Variants in CSGALNACT1 observed in about 807,000 individuals in gnomAD.
The protein encoded by CSGALNACT1 is chondroitin sulfate N-acetylgalactosaminyltransferase 1.
A neutral mutation model predicts 51.0 loss-of-function variants in CSGALNACT1; 52 were observed. The ratio of observed to expected loss-of-function variants is 1.02; its 90% CI spans 0.82 to 1.29. The LOEUF (loss-of-function observed/expected upper bound fraction) is 1.29, where lower values mean the gene tolerates loss of function less well. Ranked by LOEUF, CSGALNACT1 falls within the 50% of genes most tolerant of loss-of-function variation. The pLI, the probability that CSGALNACT1 is intolerant of heterozygous loss-of-function variation, is 0.00. For missense variants in CSGALNACT1, 935 were observed against 679.2 expected (o/e 1.38, Z -4.19); for synonymous variants, 341 against 254.4 (o/e 1.34, Z -3.24).
intron 1 of CSGALNACT1, among the ~76,000 whole-genome samples, chr8:19,614,260 C>A (rs1471704340): frequency 6.6e-6 from 1 of 152,126 alleles, no homozygotes; most frequent in Non-Finnish European, 1.5e-5. Flanking sequence ...ACTAAAAAAT[C>A]AAAAACTGAG....
chr8:19,648,964 G>A (rs1461789914), intron 1 of CSGALNACT1, among the ~76,000 whole-genome samples: 1 of 152,118 alleles, frequency 6.6e-6, no homozygotes, highest in African/African-American at 2.4e-5. Context: ...TCTCATATGG[G>A]TAGGTGTAAA....
chr8:19,461,357 C>G (rs78879285), intron 4 of CSGALNACT1, among the ~76,000 whole-genome samples: 3,226 of 152,308 alleles, frequency 0.021, 99 homozygotes, highest in African/African-American at 0.073. Context: ...ACCACCAACT[C>G]CCAGGGCCCA....
intron 1 of CSGALNACT1, among the ~76,000 whole-genome samples, chr8:19,614,133 G>T (rs868858684): frequency 4.6e-5 from 7 of 152,064 alleles, no homozygotes; most frequent in Non-Finnish European, 1.0e-4. Flanking sequence ...TACTCTTAAT[G>T]CCCCCTTTTA....
intron 1 of CSGALNACT1, among the ~76,000 whole-genome samples, chr8:19,642,842 C>CA (rs1180961181): frequency 6.8e-6 from 1 of 148,106 alleles, no homozygotes; most frequent in African/African-American, 2.5e-5. Context: ...TCAACAACAA[C>CA]AAAAAAATTG....
At chr8:19,534,512 G>A (rs1266230867) in intron 3 of CSGALNACT1, among the ~76,000 whole-genome samples, 1 of 151,988 alleles carries the variant, frequency 6.6e-6, no homozygotes, top group Non-Finnish European at 1.5e-5. Context: ...CTGGGGAATC[G>A]GACACCCATC....
At chr8:19,526,299 T>C (rs150602677) in intron 3 of CSGALNACT1, among the ~76,000 whole-genome samples, 26 of 152,276 alleles carry the variant, frequency 1.7e-4, no homozygotes, top group African/African-American at 4.8e-4. Context: ...GATTTATAGA[T>C]AAAGGCCAGG....
chr8:19,578,058 A>T (rs1160384990), intron 3 of CSGALNACT1, among the ~76,000 whole-genome samples: 1 of 152,192 alleles, frequency 6.6e-6, no homozygotes, highest in East Asian at 1.9e-4. Flanking sequence ...CACTCAGCAG[A>T]TGGGCTGGAA....
rs569836140 is a variant in CSGALNACT1, at chr8:19,499,067, A to G, written c.634+6134T>C. On this transcript the variant is annotated intron_variant, in intron 4 of 9. Transcript: ENST00000454498. Reference sequence around the variant, plus strand: ...GAAGTTGAGGCTACAATGAGCCATGATCGTGCCACTGCACTCCAGCCTGAG... The same window carrying G: ...GAAGTTGAGGCTACAATGAGCCATGGTCGTGCCACTGCACTCCAGCCTGAG... 2.2e-3 allele frequency among the ~76,000 whole-genome samples: 335 copies of G among 152,336 alleles called. 4 individuals carry two copies. The highest frequency in any genetic ancestry group is 7.7e-3 in the African/African-American group (322 of 41,576).
At chr8:19,601,852 A>C in exon 2 of CSGALNACT1, 1 of 454,088 alleles carries the variant, frequency 2.2e-6, no homozygotes, top group Non-Finnish European at 4.4e-6. Context: ...TCTTTCCTTG[A>C]AATAGGAAGG....
chr8:19,667,556 G>C (rs1223456374), intron 1 of CSGALNACT1, among the ~76,000 whole-genome samples: 1 of 152,180 alleles, frequency 6.6e-6, no homozygotes, highest in African/African-American at 2.4e-5. Flanking sequence ...AGTCAGTCGT[G>C]TTCCACCCCC....
chr8:19,469,501 G>C (rs1025667169), intron 4 of CSGALNACT1, among the ~76,000 whole-genome samples: 4 of 152,206 alleles, frequency 2.6e-5, no homozygotes, highest in Non-Finnish European at 5.9e-5. Flanking sequence ...AAGACAGCCT[G>C]GGATAGATTT....
chr8:19,460,227 C>T (rs879283796), intron 4 of CSGALNACT1, among the ~76,000 whole-genome samples: 5 of 152,088 alleles, frequency 3.3e-5, no homozygotes, highest in East Asian at 1.9e-4. Context: ...AAGTACAATA[C>T]CTTTTGAGAG....
chr8:19,656,362 G>A (rs1027987794), intron 1 of CSGALNACT1, among the ~76,000 whole-genome samples: 13 of 152,082 alleles, frequency 8.5e-5, no homozygotes, highest in African/African-American at 3.1e-4. Context: ...ATTTTTATAT[G>A]GCCTGAAAAA....
At chr8:19,754,497 T>C (rs1358681236) in intron 1 of CSGALNACT1, among the ~76,000 whole-genome samples, 1 of 152,196 alleles carries the variant, frequency 6.6e-6, no homozygotes, top group Non-Finnish European at 1.5e-5. Context: ...AATACCTAGA[T>C]GAAAACCATA....
chr8:19,662,079 C>CACCG (rs2058803324), intron 1 of CSGALNACT1, among the ~76,000 whole-genome samples: 2 of 71,304 alleles, frequency 2.8e-5, no homozygotes, highest in African/African-American at 1.1e-4. Context: ...CCCCCACCCC[C>CACCG]CCCCCCCCCC....
At chr8:19,494,829 G>T (rs759689991) in intron 4 of CSGALNACT1, among the ~76,000 whole-genome samples, 1 of 140,728 alleles carries the variant, frequency 7.1e-6, no homozygotes, top group Non-Finnish European at 1.5e-5. Context: ...ACACTCCAAC[G>T]TTAGAAAGTC....
chr8:19,444,335 C>G (rs1436785765), intron 5 of CSGALNACT1, among the ~76,000 whole-genome samples: 2 of 152,174 alleles, frequency 1.3e-5, no homozygotes, highest in African/African-American at 4.8e-5. Context: ...TGTGCATATT[C>G]AGTACAGACG....
At chr8:19,674,117 G>A (rs1333638945) in intron 1 of CSGALNACT1, among the ~76,000 whole-genome samples, 7 of 152,132 alleles carry the variant, frequency 4.6e-5, no homozygotes, top group Non-Finnish European at 8.8e-5. Flanking sequence ...GCAAAATCCC[G>A]TCTTTACTAA....
At position 19,516,999 on chromosome 8, in the gene CSGALNACT1, T is replaced by G. The variant is rs375425003; in HGVS notation, c.-296-10869A>C. 2.6e-3 allele frequency among the ~76,000 whole-genome samples: 400 copies of G among 152,328 alleles called. 1 individual carries two copies. Among genetic ancestry groups the G allele is most frequent in the Middle Eastern group, 6.8e-3 (2 of 294 alleles). On this transcript the variant is annotated intron_variant, in intron 3 of 9. Transcript: ENST00000454498. ...ACCCACTGCCCACCTGGAGAGGTGG[T>G]TGGTTTTTAGTTGAGATGCCTCAAA...
Sources: gnomAD v4.1 joint callset for allele counts (sites outside exome capture counted in the v4.1 genomes callset) on GRCh38, gnomAD v4.1.1 for gene constraint, MANE v1.5 for transcripts, NCBI Gene and HGNC (gene_info 2026-07-23, HGNC 2026-07-21) for gene names.